RGS22: variants seen among roughly 807,000 people sequenced by gnomAD.
RGS22 encodes the protein regulator of G-protein signaling 22.
Under a neutral mutation model 172.9 loss-of-function variants are expected in RGS22, and 148 were observed. That is an observed-to-expected ratio of 0.86 (90% confidence interval 0.75 to 0.98). The LOEUF is 0.98. RGS22 is among the 50% of genes least tolerant of loss of function. The pLI, the probability that RGS22 is intolerant of heterozygous loss-of-function variation, is 0.00. For missense variants in RGS22, 1,347 were observed against 1,440.8 expected (o/e 0.93, Z 1.05); for synonymous variants, 458 against 480.2 (o/e 0.95, Z 0.60).
At position 100,052,995 on chromosome 8, in the gene RGS22, A is replaced by T; in HGVS notation, c.1515-19T>A. ...TGGTGCCCTGTTTATTGGAAAAATAAATGTAAGATTGAACTAAACAACAAG... is the reference window on the plus strand; with the variant it reads ...TGGTGCCCTGTTTATTGGAAAAATATATGTAAGATTGAACTAAACAACAAG... On this transcript the variant is annotated intron_variant, in intron 9 of 27. Coordinates refer to ENST00000360863, the MANE Select transcript of RGS22 (RefSeq NM_015668.5). 6.2e-7 allele frequency: 1 copy of T among 1,609,238 alleles called. No individual in the cohort carries two copies. The highest frequency in any genetic ancestry group is 8.5e-7 in the Non-Finnish European group (1 of 1,176,302).
intron 2 of RGS22, among the ~76,000 whole-genome samples, chr8:100,095,372 C>T (rs1812884230): frequency 6.6e-6 from 1 of 151,962 alleles, no homozygotes; most frequent in Non-Finnish European, 1.5e-5. Context: ...TTTGTAGAGA[C>T]AATGTTTCAC....
chr8:100,009,708 C>G (rs1464629508), intron 14 of RGS22, among the ~76,000 whole-genome samples: 1 of 152,096 alleles, frequency 6.6e-6, no homozygotes, highest in Non-Finnish European at 1.5e-5. Context: ...ATATCTAGAT[C>G]AACTCAGAAT....
At chr8:100,030,074 A>G (rs77017257) in intron 14 of RGS22, among the ~76,000 whole-genome samples, 4,958 of 152,326 alleles carry the variant, frequency 0.033, 104 homozygotes, top group Non-Finnish European at 0.044. Context: ...GAGTGACATG[A>G]AATATACAGT....
intron 9 of RGS22, among the ~76,000 whole-genome samples, chr8:100,053,701 T>C (rs1490532816): frequency 6.6e-6 from 1 of 152,112 alleles, no homozygotes; most frequent in Non-Finnish European, 1.5e-5. Context: ...AGTGGTGCGA[T>C]CTCAGCTCAC....
At chr8:100,086,590 A>G (rs953207291) in intron 3 of RGS22, among the ~76,000 whole-genome samples, 1 of 152,120 alleles carries the variant, frequency 6.6e-6, no homozygotes, top group Admixed American at 6.5e-5. Flanking sequence ...TAAGGGCTGA[A>G]AAACTACTGG....
intron 11 of RGS22, among the ~76,000 whole-genome samples, chr8:100,046,671 C>A (rs1405323247): frequency 6.7e-6 from 1 of 150,086 alleles, no homozygotes. Flanking sequence ...AAGGCATCTG[C>A]GTGTTAACAA....
chr8:100,002,402 TTTC>T, intron 17 of RGS22, 38 bp from the exon 18 acceptor site: 1 of 1,553,048 alleles, frequency 6.4e-7, no homozygotes, highest in African/African-American at 1.4e-5. Context: ...GCTCTTCATA[TTTC>T]TTCCTCTAAA....
chr8:100,020,265 C>T (rs1588990308), intron 14 of RGS22, among the ~76,000 whole-genome samples: 1 of 152,096 alleles, frequency 6.6e-6, no homozygotes, highest in East Asian at 1.9e-4. Context: ...AAGACCTAGC[C>T]AGCCGCTAGG....
At chr8:99,972,312 A>G in intron 23 of RGS22, among the ~76,000 whole-genome samples, 1 of 152,206 alleles carries the variant, frequency 6.6e-6, no homozygotes, top group Non-Finnish European at 1.5e-5. Context: ...AAGAAAACCT[A>G]GGCAATACCA....
chr8:99,982,214 C>A, intron 21 of RGS22, 98 bp from the exon 22 acceptor site: 1 of 922,332 alleles, frequency 1.1e-6, no homozygotes, highest in Admixed American at 3.2e-5. Flanking sequence ...ATATGCATTT[C>A]AACTTTAGGT....
At chr8:99,981,088 T>C (rs906284885) in intron 22 of RGS22, among the ~76,000 whole-genome samples, 4 of 152,218 alleles carry the variant, frequency 2.6e-5, no homozygotes, top group African/African-American at 9.6e-5. Context: ...CTCTGTTTCA[T>C]ATCACTTCAT....
At chr8:99,983,688 G>A (rs188094494) in intron 21 of RGS22, among the ~76,000 whole-genome samples, 2 of 152,090 alleles carry the variant, frequency 1.3e-5, no homozygotes, top group East Asian at 3.9e-4. Context: ...AAAATAAAGA[G>A]GTAGTTTAGC....
chr8:100,091,142 A>C (rs1023653999), intron 3 of RGS22, among the ~76,000 whole-genome samples: 3 of 152,146 alleles, frequency 2.0e-5, no homozygotes, highest in African/African-American at 7.2e-5. Context: ...CCAGACACTT[A>C]GTTTGAGAAT....
At chr8:99,976,861 T>C (rs2131172974) in intron 23 of RGS22, among the ~76,000 whole-genome samples, 1 of 152,336 alleles carries the variant, frequency 6.6e-6, no homozygotes, top group East Asian at 1.9e-4. Flanking sequence ...AATGTGAGTG[T>C]TCATTATATT....
chr8:100,054,372 T>C (rs1321291408), intron 9 of RGS22: 1 of 154,228 alleles, frequency 6.5e-6, no homozygotes, highest in Non-Finnish European at 1.5e-5. Flanking sequence ...GGTGGGAGGA[T>C]TGCTTGAGGC....
chr8:99,988,642 G>A (rs953361208), intron 20 of RGS22, among the ~76,000 whole-genome samples: 4 of 152,110 alleles, frequency 2.6e-5, no homozygotes, highest in African/African-American at 9.7e-5. Flanking sequence ...TTTTTAAAAA[G>A]TGCCATGGTA....
intron 23 of RGS22, among the ~76,000 whole-genome samples, chr8:99,973,041 T>C (rs1319771222): frequency 3.5e-5 from 5 of 142,750 alleles, no homozygotes; most frequent in East Asian, 4.1e-4. Flanking sequence ...TGTGGAGAAA[T>C]AGGAACACTT....
intron 21 of RGS22, among the ~76,000 whole-genome samples, chr8:99,983,801 T>G (rs1704501414): frequency 6.6e-6 from 1 of 152,222 alleles, no homozygotes; most frequent in Non-Finnish European, 1.5e-5. Flanking sequence ...CAACATTTAT[T>G]AAGTACCCAG....
chr8:100,047,289 A>G (rs1820824171), intron 11 of RGS22, among the ~76,000 whole-genome samples, 174 bp downstream of exon 11: 1 of 152,110 alleles, frequency 6.6e-6, no homozygotes, highest in African/African-American at 2.4e-5. Flanking sequence ...CTGGAACTCT[A>G]CTCCTAATTT....
Sources: gnomAD v4.1 joint callset for allele counts (sites outside exome capture counted in the v4.1 genomes callset) on GRCh38, gnomAD v4.1.1 for gene constraint, MANE v1.5 for transcripts, NCBI Gene and HGNC (gene_info 2026-07-23, HGNC 2026-07-21) for gene names.